Variants in KCNT1 observed in about 807,000 individuals in gnomAD.
KCNT1 encodes potassium channel subfamily T member 1.
KCNT1 carries 78 observed loss-of-function variants against 147.8 expected under a neutral mutation model. The ratio of observed to expected loss-of-function variants is 0.53; its 90% CI spans 0.44 to 0.64. KCNT1 has a LOEUF of 0.64. KCNT1 is among the 30% of genes least tolerant of loss of function. The pLI is 0.00. For synonymous variants in KCNT1, 867 were observed against 748.8 expected (o/e 1.16, Z -2.58); for missense variants, 1,419 against 1,750.3 (o/e 0.81, Z 3.38).
chr9:135,751,053 G>C lies in KCNT1; in HGVS notation c.434+12G>C. 1 of 1,603,884 alleles carries C rather than the reference G, an allele frequency of 6.2e-7. No individual in the cohort carries two copies. Among genetic ancestry groups the C allele is most frequent in the Non-Finnish European group, 8.5e-7 (1 of 1,177,200 alleles). ...CTGGGCATCGGATGGTGGGCCACGT[G>C]CGCGGCCGGGCGCGGGGTCCCGGGT... On this transcript the variant is annotated intron_variant, in intron 4 of 30. Coordinates refer to ENST00000371757, the MANE Select transcript of KCNT1 (RefSeq NM_020822.3).
At position 135,715,092 on chromosome 9, in the gene KCNT1, C is replaced by T. The variant is rs184443238; in HGVS notation, c.254+372C>T. Among the ~76,000 whole-genome samples, 137 of 152,334 alleles carry T rather than the reference C, an allele frequency of 9.0e-4. 1 individual carries two copies. Among genetic ancestry groups the T allele is most frequent in the African/African-American group, 3.0e-3 (124 of 41,594 alleles). ...AGCGCCCCGGTGGCGGAGCCCGCAG[C>T]CTGGCTGAGGGCTGGCGTCCTCCAG... is the stretch of plus-strand genomic sequence containing the variant. On this transcript the variant is annotated intron_variant, in intron 2 of 30. Coordinates refer to ENST00000371757, the MANE Select transcript of KCNT1 (RefSeq NM_020822.3).
chr9:135,756,844 C>T, intron 6 of KCNT1, 29 bp from the exon 7 acceptor site: 2 of 1,609,414 alleles, frequency 1.2e-6, no homozygotes, highest in Non-Finnish European at 1.7e-6. Flanking sequence ...CGGCCTGCTC[C>T]AGAGCTCCTT....
At chr9:135,739,659 C>T (rs1830482447) in intron 2 of KCNT1, among the ~76,000 whole-genome samples, 1 of 152,166 alleles carries the variant, frequency 6.6e-6, no homozygotes, top group Non-Finnish European at 1.5e-5. Context: ...GATGGCCTCT[C>T]TCCCAGGAGG....
At chr9:135,760,567 G>A (rs1831848275) in intron 11 of KCNT1, among the ~76,000 whole-genome samples, 1 of 152,184 alleles carries the variant, frequency 6.6e-6, no homozygotes, top group Admixed American at 6.5e-5. Context: ...CCAGGTGGCT[G>A]CAGGATGCCG....
chr9:135,773,810 G>T (rs1002512877), intron 19 of KCNT1, among the ~76,000 whole-genome samples: 1 of 152,254 alleles, frequency 6.6e-6, no homozygotes, highest in South Asian at 2.1e-4. Context: ...GGACGGGGTG[G>T]TGGCCTGCTG....
rs1244692602 is a variant in KCNT1 at position 135,784,899 on chromosome 9, C to T, written c.3156+10C>T. 3.7e-6 allele frequency: 6 copies of T among 1,611,390 alleles called. No homozygotes were observed. Among genetic ancestry groups the T allele is most frequent in the South Asian group, 1.1e-5 (1 of 91,068 alleles). ...CTTCTCCACCTCGGAGGTTCTGGGG[C>T]AGCCTGGGGGCTGGGACTGTGGCAG... On this transcript the variant is annotated intron_variant, in intron 27 of 30. Transcript: ENST00000371757.
At chr9:135,790,945 T>G (rs1035383473) in intron 29 of KCNT1, 2 of 152,308 alleles carry the variant, frequency 1.3e-5, no homozygotes, top group African/African-American at 4.8e-5. Flanking sequence ...GCCGGCCCCA[T>G]GGAGACTGTG....
At chr9:135,784,996 G>A (rs1299192099) in intron 27 of KCNT1, 107 bp downstream of exon 27, 7 of 1,479,626 alleles carry the variant, frequency 4.7e-6, no homozygotes, top group Non-Finnish European at 6.3e-6. Flanking sequence ...TGTCCTGTGT[G>A]ACCCACAGCA....
At chr9:135,791,546 C>T in intron 29 of KCNT1, 1 of 512,188 alleles carries the variant, frequency 2.0e-6, no homozygotes, top group Non-Finnish European at 3.6e-6. Context: ...CACCTAGCAC[C>T]AGAGGTGGGT....
intron 2 of KCNT1, chr9:135,736,970 G>A (rs10121357): frequency 0.8 from 235,063 of 295,258 alleles, 93,874 homozygotes; most frequent in East Asian, 0.89. Flanking sequence ...GAGAGCCTGC[G>A]GGACCCCCCA....
At position 135,714,623 on chromosome 9, in the gene KCNT1, A is replaced by C; in HGVS notation, c.157A>C (p.Lys53Gln). The change falls in exon 2 of 31, where the codon AAG becomes CAG. Residue 53 changes from lysine to glutamine, a missense_variant. Lys to Gln is a moderately conservative substitution (Grantham distance 53, BLOSUM62 1). Around this residue, in one of 5 missense-constraint regions of KCNT1, gnomAD observed 181 missense variants for 155.7 expected, o/e 1.16. Transcript: ENST00000371757. This position sits in a 1 kb window ranked among gnomAD's most constrained non-coding sequence, Gnocchi z 6.2. ...CGCGCTCCTGGACACCGCCGGCTTCAAGATGAGCGACCTGGACTCCGAGGT... is the reference window on the plus strand; with the variant it reads ...CGCGCTCCTGGACACCGCCGGCTTCCAGATGAGCGACCTGGACTCCGAGGT... ...DGALLDTAGF[K>Q]MSDLDSEVLP... The C allele has an allele frequency of 6.9e-7, 1 of 1,458,716 alleles. No individual in the cohort carries two copies. The highest frequency in any genetic ancestry group is 3.1e-5 in the East Asian group (1 of 31,888). The allele number at this position is 1,458,716 out of a possible 1,614,324, so 90.4% of individuals were successfully genotyped here.
At position 135,769,915 on chromosome 9, in the gene KCNT1, G is replaced by T. The variant is rs371594256; in HGVS notation, c.1511-32G>T. 59 of 1,472,858 alleles carry T rather than the reference G, an allele frequency of 4.0e-5. No individual in the cohort carries two copies. The East Asian group carries it at 1.3e-3, about 33-fold the overall frequency. 91.2% of individuals were successfully genotyped at this position (1,472,858 alleles called of 1,614,324 possible). ...GGGGGAGGAGAGAGCCGGCAGAGCG[G>T]CAGGTGGACCGGCCTCCCCCACTGC... On this transcript the variant is annotated intron_variant, in intron 15 of 30. Coordinates refer to ENST00000371757, the MANE Select transcript of KCNT1 (RefSeq NM_020822.3).
At position 135,769,999 on chromosome 9, in the gene KCNT1, C is replaced by T. The variant is rs377263803; in HGVS notation, c.1563C>T (p.Cys521=). 5.8e-6 allele frequency: 9 copies of T among 1,557,730 alleles called. No individual in the cohort carries two copies. In the East Asian group the frequency reaches 9.6e-5, roughly 17 times the overall value. Reference sequence around the variant, plus strand: ...AGTACGCCATGCTGGCGCTGAACTGCATCTGCCCGGCGACCTCCACCCTCA... The same window carrying T: ...AGTACGCCATGCTGGCGCTGAACTGTATCTGCCCGGCGACCTCCACCCTCA... ...ECKYAMLALN[C]ICPATSTLIT... The change falls in exon 16 of 31, where the codon TGC becomes TGT. Residue 521 remains cysteine, a synonymous_variant. Transcript: ENST00000371757.
At position 135,791,743 on chromosome 9, in the gene KCNT1, G is replaced by A. The variant is rs1377406720; in HGVS notation, c.3503-54G>A. ...CCCCACACCTCTGGGCCCCTGCAGA[G>A]CTGGGAGGGGCAGGGCTGGGGGGGT... is the stretch of plus-strand genomic sequence containing the variant. On this transcript the variant is annotated intron_variant, in intron 29 of 30. Coordinates refer to ENST00000371757, the MANE Select transcript of KCNT1 (RefSeq NM_020822.3). The A allele has an allele frequency of 2.7e-6, 4 of 1,492,896 alleles. No individual in the cohort carries two copies. The African/African-American group carries it at 5.5e-5, about 21-fold the overall frequency. The allele number at this position is 1,492,896 out of a possible 1,614,324, so 92.5% of individuals were successfully genotyped here.
rs1028292080 is a variant in KCNT1, at chr9:135,755,147, A to G, written c.518A>G (p.Lys173Arg). 3 of 1,612,328 alleles carry G rather than the reference A, an allele frequency of 1.9e-6. No homozygotes were observed. The highest frequency in any genetic ancestry group is 1.7e-5 in the Admixed American group (1 of 59,754). ...GCTCCTATTCTGTGGGTGGAGAGAA[A>G]GATGACACTGTGGGCGATCCAGGTG... ...NWAPILWVER[K>R]MTLWAIQVIV... Residue 173 changes from lysine (K) to arginine (R), a missense_variant, in exon 6 of 31, where the codon AAG (lysine) becomes AGG (arginine). By Grantham distance (26) the Lys-to-Arg change is conservative. Transcript: ENST00000371757.
At position 135,757,363 on chromosome 9, in the gene KCNT1, C is replaced by A. The variant is rs1218041775; in HGVS notation, c.741C>A (p.His247Gln). The change falls in exon 9 of 31, where the codon CAC (histidine) becomes CAA (glutamine). Residue 247 changes from histidine to glutamine, a missense_variant. Physicochemically the swap from His to Gln is conservative, Grantham distance 24. Transcript: ENST00000371757. ...TTCTGAACTGCTGGCTGGCCAAGCA[C>A]GCGCTGGAAAACATGATTGTAAGCC... The part of the protein sequence containing the change: ...PVFLNCWLAK[H>Q]ALENMINDFH... The A allele has an allele frequency of 2.5e-6, 4 of 1,609,570 alleles. No homozygotes were observed. Among genetic ancestry groups the A allele is most frequent in the Non-Finnish European group, 3.4e-6 (4 of 1,179,922 alleles).
At chr9:135,774,331 G>T (rs1832980176) in intron 19 of KCNT1, among the ~76,000 whole-genome samples, 1 of 147,982 alleles carries the variant, frequency 6.8e-6, no homozygotes, top group Non-Finnish European at 1.5e-5. Context: ...GTGTGTCTGG[G>T]TGTGTTGTGT....
chr9:135,746,430 G>A (rs923480092), intron 2 of KCNT1, among the ~76,000 whole-genome samples: 7 of 152,248 alleles, frequency 4.6e-5, no homozygotes, highest in South Asian at 4.1e-4. Context: ...AGAAGCTGCT[G>A]GGGGCGCGAC....
intron 1 of KCNT1, among the ~76,000 whole-genome samples, chr9:135,711,089 G>A (rs1835466205): frequency 6.6e-6 from 1 of 152,216 alleles, no homozygotes; most frequent in African/African-American, 2.4e-5. Flanking sequence ...TTTCCAGTAA[G>A]CAATCATGCC....
Sources: gnomAD v4.1 joint callset for allele counts (sites outside exome capture counted in the v4.1 genomes callset) on GRCh38, gnomAD v4.1.1 for gene constraint, gnomAD v4.1.1 regional missense constraint, Gnocchi (gnomAD v3.1) non-coding constraint, MANE v1.5 for transcripts, NCBI Gene and HGNC (gene_info 2026-07-23, HGNC 2026-07-21) for gene names.